The following VAV2 variants were observed in gnomAD, a reference collection of about 807,000 sequenced individuals.
VAV2 encodes vav guanine nucleotide exchange factor 2, also known as guanine nucleotide exchange factor VAV2.
A neutral mutation model predicts 132.5 loss-of-function variants in VAV2; 67 were observed. The observed-to-expected ratio is 0.51, with a 90% CI of 0.42 to 0.62. The LOEUF is 0.62. Ranked by LOEUF, VAV2 falls within the 20% of genes least tolerant of loss-of-function variation. The probability of loss-of-function intolerance (pLI) is 0.00; values close to 1 mark genes in which losing one functional copy is unlikely to be tolerated. For missense variants in VAV2, 938 were observed against 1,153.6 expected, an observed-to-expected ratio of 0.81 and a Z score of 2.71; for synonymous variants, 492 against 443.5, an observed-to-expected ratio of 1.11 and a Z score of -1.37.
In VAV2 at chr9:133,795,519, ACTGCCCTGCC is replaced by A. The variant is rs756032271; in HGVS notation, c.1101+139_1101+148del. 4 of 961,752 alleles carry A rather than the reference ACTGCCCTGCC, an allele frequency of 4.2e-6. No individual in the cohort carries two copies. The African/African-American group carries it at 6.5e-5, about 16-fold the overall frequency. The allele number at this position is 961,752 out of a possible 1,614,324, so 59.6% of individuals were successfully genotyped here. ...CCTCTACCTCCTGTGGGTCTCACCC[ACTGCCCTGCC>A]CTGCCCTGCCCCAACTCCTGCTGTC... is the stretch of plus-strand genomic sequence containing the variant. On this transcript the variant is annotated intron_variant, in intron 12 of 29. Transcript: ENST00000371850.
At chr9:133,889,734 A>G (rs1230981848) in intron 2 of VAV2, among the ~76,000 whole-genome samples, 2 of 144,394 alleles carry the variant, frequency 1.4e-5, no homozygotes, top group Non-Finnish European at 3.1e-5. Flanking sequence ...CTGTTTGTTC[A>G]GAAGACATTT....
intron 13 of VAV2, 89 bp from the exon 14 acceptor site, chr9:133,789,432 A>T: frequency 8.1e-7 from 1 of 1,237,010 alleles, no homozygotes. Context: ...CGTGCACCCA[A>T]GGGAACTCCC....
chr9:133,868,082 T>A (rs1837878103), intron 2 of VAV2, among the ~76,000 whole-genome samples: 1 of 152,250 alleles, frequency 6.6e-6, no homozygotes, highest in Admixed American at 6.5e-5. Flanking sequence ...GATTGTTAAC[T>A]GTCTTGTTCC....
chr9:133,805,121 C>T (rs760230002), intron 9 of VAV2, among the ~76,000 whole-genome samples: 16 of 152,258 alleles, frequency 1.1e-4, no homozygotes, highest in Middle Eastern at 3.4e-3. Flanking sequence ...GCTGTGCTGA[C>T]GGCCACCTGG....
At chr9:133,860,542 C>T (rs1837554407) in intron 3 of VAV2, among the ~76,000 whole-genome samples, 1 of 152,070 alleles carries the variant, frequency 6.6e-6, no homozygotes, top group Admixed American at 6.5e-5. Context: ...CAGCATCCCC[C>T]ACGGATCACA....
At chr9:133,877,115 TTC>T (rs1325419334) in intron 2 of VAV2, among the ~76,000 whole-genome samples, 1 of 152,106 alleles carries the variant, frequency 6.6e-6, no homozygotes, top group Non-Finnish European at 1.5e-5. Context: ...ACCACCCCAT[TTC>T]TGTTTCCCAC....
intron 2 of VAV2, among the ~76,000 whole-genome samples, chr9:133,923,344 T>C (rs1840362358): frequency 6.6e-6 from 1 of 152,180 alleles, no homozygotes. Context: ...CTTCTGGGTA[T>C]ATAGCCAGAA....
At chr9:133,930,079 G>A (rs1334591375) in intron 2 of VAV2, among the ~76,000 whole-genome samples, 1 of 152,202 alleles carries the variant, frequency 6.6e-6, no homozygotes, top group Non-Finnish European at 1.5e-5. Context: ...ATCCGTACCT[G>A]CACTGACGCC....
intron 24 of VAV2, among the ~76,000 whole-genome samples, 166 bp from the exon 25 acceptor site, chr9:133,775,217 C>T (rs1441881455): frequency 6.6e-6 from 1 of 152,186 alleles, no homozygotes; most frequent in South Asian, 2.1e-4. Context: ...ATGAGCGGGG[C>T]ACCACTGTGG....
chr9:133,939,834 T>C (rs1841071292), intron 1 of VAV2, among the ~76,000 whole-genome samples: 1 of 151,842 alleles, frequency 6.6e-6, no homozygotes, highest in African/African-American at 2.4e-5. Context: ...ACCCAGAGAG[T>C]GGCAGGTGCC....
chr9:133,890,638 C>G (rs1363473944), intron 2 of VAV2, among the ~76,000 whole-genome samples: 1 of 152,106 alleles, frequency 6.6e-6, no homozygotes, highest in African/African-American at 2.4e-5. Flanking sequence ...AGGAATGGCC[C>G]CAGAACCACG....
At chr9:133,778,985 C>G (rs1367648335) in intron 21 of VAV2, 96 bp from the exon 22 acceptor site, 18 of 1,528,110 alleles carry the variant, frequency 1.2e-5, no homozygotes, top group Non-Finnish European at 1.8e-6. Context: ...CAAGCTCGGC[C>G]TCCCCCAGCA....
Position 133,783,849 on chromosome 9 carries a change from T to A in VAV2, c.1635-258A>T, listed in dbSNP as rs560504353. The stretch of plus-strand genomic sequence containing the variant: ...CAGGAACAATCACCTCCCGGCTAGA[T>A]CTGAAACTCTAAGGGCTTGGCTGGG... On this transcript the variant is annotated intron_variant, in intron 18 of 29. Transcript: ENST00000371850. 6.7e-4 allele frequency among the ~76,000 whole-genome samples: 100 copies of A among 149,400 alleles called. 1 individual carries two copies. The highest frequency in any genetic ancestry group is 2.3e-3 in the African/African-American group (92 of 40,492).
chr9:133,828,708 T>C (rs1392175116), intron 4 of VAV2, among the ~76,000 whole-genome samples: 2 of 152,188 alleles, frequency 1.3e-5, no homozygotes, highest in African/African-American at 4.8e-5. Flanking sequence ...CCCGGGGAAC[T>C]TCCACAATTC....
intron 9 of VAV2, among the ~76,000 whole-genome samples, chr9:133,805,679 A>T (rs1835106784): frequency 6.6e-6 from 1 of 152,160 alleles, no homozygotes; most frequent in Non-Finnish European, 1.5e-5. Flanking sequence ...CAGCCTGGGC[A>T]TCATTTAAGC....
chr9:133,778,102 C>T (rs2131585999), intron 22 of VAV2, among the ~76,000 whole-genome samples: 1 of 151,568 alleles, frequency 6.6e-6, no homozygotes, highest in East Asian at 1.9e-4. Flanking sequence ...GACATGGGGT[C>T]TCAGCGTGTC....
intron 3 of VAV2, among the ~76,000 whole-genome samples, chr9:133,846,871 G>A (rs936338144): frequency 6.6e-6 from 1 of 152,250 alleles, no homozygotes; most frequent in Non-Finnish European, 1.5e-5. Context: ...GGGTCACCAG[G>A]CCACTGGGCA....
chr9:133,769,593 G>A lies in VAV2; in HGVS notation c.2348-90C>T. On this transcript the variant is annotated intron_variant, in intron 27 of 29. Transcript: ENST00000371850. This position sits in a 1 kb window ranked among gnomAD's most constrained non-coding sequence, Gnocchi z 8.1. ...ACAGCTACAGGCCGGGGGGCATGGGGTGGGGCAGGCCCTTTGGCAGGAGAG... is the reference window on the plus strand; with the variant it reads ...ACAGCTACAGGCCGGGGGGCATGGGATGGGGCAGGCCCTTTGGCAGGAGAG... 7.3e-7 allele frequency: 1 copy of A among 1,369,982 alleles called. No individual in the cohort carries two copies. Among genetic ancestry groups the A allele is most frequent in the Non-Finnish European group, 1.0e-6 (1 of 995,442 alleles). 84.9% of individuals were successfully genotyped at this position (1,369,982 alleles called of 1,614,324 possible).
rs899977998 is a variant in VAV2 at position 133,861,436 on chromosome 9, G to A, written c.322-4C>T. 6.2e-7 allele frequency: 1 copy of A among 1,613,018 alleles called. No individual in the cohort carries two copies. The highest frequency in any genetic ancestry group is 8.5e-7 in the Non-Finnish European group (1 of 1,179,662). On this transcript the variant is annotated splice_polypyrimidine_tract_variant and splice_region_variant and intron_variant, in intron 2 of 29. Transcript: ENST00000371850. ...GCCTCGACACCGCGGAGATGACCTG[G>A]GGGAGACAAGAAGAGACGCTCCTGT...
Sources: gnomAD v4.1 joint callset for allele counts (sites outside exome capture counted in the v4.1 genomes callset) on GRCh38, gnomAD v4.1.1 for gene constraint, Gnocchi (gnomAD v3.1) non-coding constraint, MANE v1.5 for transcripts, NCBI Gene and HGNC (gene_info 2026-07-23, HGNC 2026-07-21) for gene names.